Variants in NPFFR2 observed in about 807,000 individuals in gnomAD.
NPFFR2 encodes the protein neuropeptide FF receptor 2, also known as G-protein coupled receptor 74.
Under a neutral mutation model 13.1 loss-of-function variants are expected in NPFFR2, and 15 were observed. The observed-to-expected ratio is 1.15, with a 90% CI of 0.77 to 1.76. NPFFR2 has a LOEUF of 1.76. Ranked by LOEUF, NPFFR2 falls within the 40% of genes most tolerant of loss-of-function variation. The probability of loss-of-function intolerance (pLI) is 0.00; values close to 1 mark genes in which losing one functional copy is unlikely to be tolerated. For synonymous variants in NPFFR2, 190 were observed against 175.7 expected (o/e 1.08, Z -0.65); for missense variants, 572 against 503.5 (o/e 1.14, Z -1.30).
intron 1 of NPFFR2, among the ~76,000 whole-genome samples, chr4:72,126,603 A>G (rs1240636446): frequency 6.6e-6 from 1 of 152,182 alleles, no homozygotes; most frequent in Non-Finnish European, 1.5e-5. Context: ...CTATGCCTAG[A>G]CTGTTTGTAC....
At chr4:72,141,112 T>G (rs1310444134) in intron 3 of NPFFR2, among the ~76,000 whole-genome samples, 1 of 152,022 alleles carries the variant, frequency 6.6e-6, no homozygotes, top group African/African-American at 2.4e-5. Flanking sequence ...GATATCCCCT[T>G]TATCATTTTT....
At chr4:72,065,435 C>T (rs1009391715) in intron 1 of NPFFR2, among the ~76,000 whole-genome samples, 4 of 152,100 alleles carry the variant, frequency 2.6e-5, no homozygotes, top group African/African-American at 9.7e-5. Context: ...AGCTCTTGGT[C>T]TCAAAAAGAC....
chr4:72,047,717 T>C (rs944259045), intron 1 of NPFFR2, among the ~76,000 whole-genome samples: 5 of 152,112 alleles, frequency 3.3e-5, no homozygotes, highest in African/African-American at 4.8e-5. Flanking sequence ...AAATGAGTAA[T>C]GAATGAATAA....
At chr4:72,108,376 CTTCTT>C (rs1400120701) in intron 1 of NPFFR2, among the ~76,000 whole-genome samples, 1 of 151,962 alleles carries the variant, frequency 6.6e-6, no homozygotes, top group African/African-American at 2.4e-5. Context: ...AATCATCAGT[CTTCTT>C]TTCATTTCCC....
chr4:72,100,739 A>G (rs1721218101), intron 1 of NPFFR2, among the ~76,000 whole-genome samples: 1 of 152,094 alleles, frequency 6.6e-6, no homozygotes, highest in East Asian at 1.9e-4. Flanking sequence ...TTTGACAAGT[A>G]TAACAAAATA....
chr4:72,039,296 G>T (rs1383992213), intron 1 of NPFFR2: 5 of 327,972 alleles, frequency 1.5e-5, no homozygotes, highest in Admixed American at 6.5e-5. Flanking sequence ...CCGACCTCGT[G>T]ATCCACCCAC....
chr4:72,067,991 T>G (rs1720124274), intron 1 of NPFFR2, among the ~76,000 whole-genome samples: 1 of 152,206 alleles, frequency 6.6e-6, no homozygotes, highest in Non-Finnish European at 1.5e-5. Context: ...AGAATCACCC[T>G]TAACACTCCA....
chr4:72,066,437 A>G (rs1417708951), intron 1 of NPFFR2, among the ~76,000 whole-genome samples: 2 of 152,154 alleles, frequency 1.3e-5, no homozygotes, highest in Non-Finnish European at 2.9e-5. Context: ...CATAGCCCCT[A>G]AAGTATTAAC....
At position 72,147,826 on chromosome 4, in the gene NPFFR2, G is replaced by A. The variant is rs550425404; in HGVS notation, c.*14G>A. The A allele has an allele frequency of 1.3e-6, 2 of 1,500,434 alleles. No homozygotes were observed. The highest frequency in any genetic ancestry group is 2.6e-5 in the South Asian group (2 of 75,914). The allele number at this position is 1,500,434 out of a possible 1,614,324, so 92.9% of individuals were successfully genotyped here. On this transcript the variant is annotated 3_prime_UTR_variant, in exon 4 of 4. Coordinates refer to ENST00000308744, the MANE Select transcript of NPFFR2 (RefSeq NM_004885.3). ...AGTGAGATTTAAAAAGAGCTAGTGT[G>A]ATAATCCTAACTCTACTACGCATTA...
In NPFFR2 at chr4:72,032,045, G is replaced by A; in HGVS notation, c.-163G>A. ...GCGGGCCAGCCTGGAGCGGAAGCCT[G>A]GAGTGGAGCAGGCAGTCCGCGGGGG... On this transcript the variant is annotated 5_prime_UTR_variant, in exon 1 of 4. Transcript: ENST00000308744. 6.2e-7 allele frequency: 1 copy of A among 1,614,090 alleles called. No individual in the cohort carries two copies. Among genetic ancestry groups the A allele is most frequent in the Non-Finnish European group, 8.5e-7 (1 of 1,179,996 alleles).
At chr4:72,104,139 A>C (rs1412074791) in intron 1 of NPFFR2, among the ~76,000 whole-genome samples, 1 of 152,088 alleles carries the variant, frequency 6.6e-6, no homozygotes, top group Admixed American at 6.6e-5. Flanking sequence ...AGCTACATCC[A>C]TGTGATCCCT....
chr4:72,130,068 C>T (rs1034248969), intron 2 of NPFFR2, among the ~76,000 whole-genome samples: 1 of 149,092 alleles, frequency 6.7e-6, no homozygotes, highest in Admixed American at 6.7e-5. Flanking sequence ...GGGGTAAGGT[C>T]ATAGATTAAC....
At chr4:72,099,911 T>C (rs1721191250) in intron 1 of NPFFR2, among the ~76,000 whole-genome samples, 2 of 152,094 alleles carry the variant, frequency 1.3e-5, no homozygotes, top group South Asian at 2.1e-4. Context: ...TTTCCACACA[T>C]ATACATAAAT....
At chr4:72,078,531 A>G (rs1260780362) in intron 1 of NPFFR2, among the ~76,000 whole-genome samples, 1 of 152,158 alleles carries the variant, frequency 6.6e-6, no homozygotes, top group East Asian at 1.9e-4. Context: ...AATGCACACA[A>G]GGATTTTTGT....
intron 1 of NPFFR2, among the ~76,000 whole-genome samples, chr4:72,100,664 T>G (rs1220473197): frequency 6.6e-6 from 1 of 152,088 alleles, no homozygotes; most frequent in Non-Finnish European, 1.5e-5. Context: ...TCTTTTTCAT[T>G]TGAATACTAT....
rs1426828602 is a variant in NPFFR2, at chr4:72,070,558, T to TGA, written c.-8+38359_-8+38360insAG. 2.0e-3 allele frequency among the ~76,000 whole-genome samples: 4 copies of TGA among 2,012 alleles called. 1 individual carries two copies. The highest frequency in any genetic ancestry group is 4.2e-3 in the Non-Finnish European group (2 of 474). The allele number at this position is 2,012 out of a possible 152,430, so 1.3% of individuals were successfully genotyped here. ...TGGAAGTATCGTGTGTGTGTGTGTG[T>TGA]GTGGGGGGGGGGGGTGGGGCTCTGG... is the stretch of plus-strand genomic sequence containing the variant. On this transcript the variant is annotated intron_variant, in intron 1 of 3. Coordinates refer to ENST00000308744, the MANE Select transcript of NPFFR2 (RefSeq NM_004885.3).
At chr4:72,141,290 G>C (rs1328019810) in intron 3 of NPFFR2, among the ~76,000 whole-genome samples, 2 of 151,826 alleles carry the variant, frequency 1.3e-5, no homozygotes, top group East Asian at 3.9e-4. Context: ...GTTAGTTCTT[G>C]CCTTCTGTTA....
chr4:72,060,059 G>A (rs1336500191), intron 1 of NPFFR2, among the ~76,000 whole-genome samples: 5 of 152,122 alleles, frequency 3.3e-5, no homozygotes, highest in Admixed American at 3.3e-4. Flanking sequence ...ATTTATTAAA[G>A]AGATTTTATG....
intron 1 of NPFFR2, among the ~76,000 whole-genome samples, chr4:72,111,668 C>T (rs116172623): frequency 1.2e-4 from 19 of 152,050 alleles, no homozygotes; most frequent in Admixed American, 7.9e-4. Flanking sequence ...CAAAAGTCAC[C>T]GTTCAGCATG....
Sources: gnomAD v4.1 joint callset for allele counts (sites outside exome capture counted in the v4.1 genomes callset) on GRCh38, gnomAD v4.1.1 for gene constraint, MANE v1.5 for transcripts, NCBI Gene and HGNC (gene_info 2026-07-23, HGNC 2026-07-21) for gene names.